The following LARGE1 variants were observed in gnomAD, a reference collection of about 807,000 sequenced individuals.
LARGE1 encodes LARGE xylosyl- and glucuronyltransferase 1, also known as xylosyl- and glucuronyltransferase LARGE1.
A neutral mutation model predicts 87.6 loss-of-function variants in LARGE1; 43 were observed. The ratio of observed to expected loss-of-function variants is 0.49; its 90% CI spans 0.38 to 0.63. The LOEUF (loss-of-function observed/expected upper bound fraction) is 0.63, where lower values mean the gene tolerates loss of function less well. LARGE1 is among the 30% of genes least tolerant of loss of function. The pLI, the probability that LARGE1 is intolerant of heterozygous loss-of-function variation, is 0.00. For synonymous variants in LARGE1, 434 were observed against 394.6 expected, an observed-to-expected ratio of 1.10 and a Z score of -1.18; for missense variants, 802 against 1,000.2, an observed-to-expected ratio of 0.80 and a Z score of 2.67.
intron 1 of LARGE1, among the ~76,000 whole-genome samples, chr22:33,862,547 T>C (rs549697495): frequency 3.9e-5 from 6 of 152,188 alleles, no homozygotes; most frequent in African/African-American, 1.4e-4. Flanking sequence ...TCTGAGTGGG[T>C]GTACCTGACA....
chr22:33,406,145 C>T (rs957247335), intron 7 of LARGE1, among the ~76,000 whole-genome samples: 1 of 152,110 alleles, frequency 6.6e-6, no homozygotes, highest in African/African-American at 2.4e-5. Context: ...GGTCTCCAGA[C>T]CTAAAGCAAG....
intron 6 of LARGE1, among the ~76,000 whole-genome samples, chr22:33,550,142 TACACACACACACACAC>T (rs5845093): frequency 7.0e-6 from 1 of 142,250 alleles, no homozygotes; most frequent in African/African-American, 2.6e-5. Context: ...ACTTAAAGTA[TACACACACACACACAC>T]ACACACACAC....
intron 2 of LARGE1, among the ~76,000 whole-genome samples, chr22:33,724,471 T>C (rs2083205463): frequency 6.6e-6 from 1 of 152,164 alleles, no homozygotes; most frequent in Non-Finnish European, 1.5e-5. Context: ...GCCACAGTTC[T>C]ATAAGGGTCA....
chr22:33,208,819 G>A lies in LARGE1; in HGVS notation c.1731-41987C>T, dbSNP rs187672528. 1.6e-4 allele frequency among the ~76,000 whole-genome samples: 24 copies of A among 152,252 alleles called. No homozygotes were observed. In the East Asian group the frequency reaches 4.5e-3, roughly 28 times the overall value. ...TCCCACTTATGAGTGAGAAAATGTG[G>A]TGTTTGGTTTTCTGTTCTTGTGATA... On this transcript the variant is annotated intron_variant, in intron 11 of 11. Coordinates refer to the LARGE1 transcript ENST00000608642.
At chr22:33,173,194 G>A (rs1922674468) in intron 11 of LARGE1, among the ~76,000 whole-genome samples, 1 of 152,094 alleles carries the variant, frequency 6.6e-6, no homozygotes, top group Admixed American at 6.6e-5. Context: ...AAGAGAGTGA[G>A]GGCCAATATT....
At chr22:33,439,745 T>TCCAC (rs965051392) in intron 6 of LARGE1, among the ~76,000 whole-genome samples, 4 of 152,138 alleles carry the variant, frequency 2.6e-5, no homozygotes, top group African/African-American at 9.7e-5. Flanking sequence ...ATTTGGCTGT[T>TCCAC]CCACAATGAC....
rs574042574 is a variant in LARGE1, at chr22:33,464,639, G to A, written c.788-32374C>T. Among the ~76,000 whole-genome samples the A allele has an allele frequency of 2.2e-4, 33 of 152,210 alleles. No homozygotes were observed. In the South Asian group the frequency reaches 6.0e-3, roughly 28 times the overall value. On this transcript the variant is annotated intron_variant, in intron 6 of 14. Coordinates refer to ENST00000397394, the MANE Select transcript of LARGE1 (RefSeq NM_133642.5). ...ATAACCTCATTAATGATGAAAAAATGCAAATTAATATCTCAGGTATCATTC... is the reference window on the plus strand; with the variant it reads ...ATAACCTCATTAATGATGAAAAAATACAAATTAATATCTCAGGTATCATTC...
At chr22:33,567,645 G>A (rs1361464865) in intron 5 of LARGE1, among the ~76,000 whole-genome samples, 5 of 152,216 alleles carry the variant, frequency 3.3e-5, no homozygotes, top group African/African-American at 9.6e-5. Context: ...GGGTACACAC[G>A]CATTTTTGTT....
chr22:33,295,173 G>C (rs1933070330), intron 12 of LARGE1, among the ~76,000 whole-genome samples: 1 of 152,132 alleles, frequency 6.6e-6, no homozygotes, highest in African/African-American at 2.4e-5. Context: ...AGCCAGTGGG[G>C]GTTAAAGAGA....
Position 33,837,158 on chromosome 22 carries a change from G to A in LARGE1, c.-82-75600C>T, listed in dbSNP as rs1356747792. ...CCATGATTGTGATTGAAATGCCAAA[G>A]GCACAGGGATTTTGCAATACTTTTA... On this transcript the variant is annotated intron_variant, in intron 1 of 14. Coordinates refer to ENST00000397394, the MANE Select transcript of LARGE1 (RefSeq NM_133642.5). Among the ~76,000 whole-genome samples the A allele has an allele frequency of 2.6e-5, 4 of 151,958 alleles. No individual in the cohort carries two copies. The East Asian group carries it at 5.8e-4, about 22-fold the overall frequency.
chr22:33,326,744 G>C (rs1937277835), intron 10 of LARGE1, among the ~76,000 whole-genome samples: 1 of 152,178 alleles, frequency 6.6e-6, no homozygotes, highest in African/African-American at 2.4e-5. Flanking sequence ...TTATAGACAA[G>C]GGAGGGCCGA....
chr22:33,818,308 G>A (rs1311548512), intron 1 of LARGE1, among the ~76,000 whole-genome samples: 3 of 152,194 alleles, frequency 2.0e-5, no homozygotes, highest in African/African-American at 7.2e-5. Flanking sequence ...GTCTGTCGCT[G>A]CAAGGAGAAC....
chr22:33,152,146 A>G, the LARGE1 span, among the ~76,000 whole-genome samples: 1 of 152,228 alleles, frequency 6.6e-6, no homozygotes, highest in Non-Finnish European at 1.5e-5. Context: ...CTGCCAGCTC[A>G]TGTCTCTCCA....
chr22:33,510,958 T>C (rs1350801832), intron 6 of LARGE1, among the ~76,000 whole-genome samples: 2 of 152,170 alleles, frequency 1.3e-5, no homozygotes, highest in African/African-American at 4.8e-5. Flanking sequence ...ATGGTCCCTG[T>C]TCTTGAGAGA....
rs572987641 is a variant in LARGE1 at position 33,809,975 on chromosome 22, A to T, written c.-82-48417T>A. 9.8e-5 allele frequency among the ~76,000 whole-genome samples: 15 copies of T among 152,306 alleles called. 1 individual carries two copies. Among genetic ancestry groups the T allele is most frequent in the African/African-American group, 3.1e-4 (13 of 41,570 alleles). ...GTTCAGTTCCTCAGTGGTACTAGCCACATTTCAAGCACTTGTAGTTATAGG... is the reference window on the plus strand; with the variant it reads ...GTTCAGTTCCTCAGTGGTACTAGCCTCATTTCAAGCACTTGTAGTTATAGG... On this transcript the variant is annotated intron_variant, in intron 1 of 14. Transcript: ENST00000397394.
chr22:33,710,174 C>T (rs544033182), intron 2 of LARGE1, among the ~76,000 whole-genome samples: 2 of 149,574 alleles, frequency 1.3e-5, no homozygotes, highest in South Asian at 4.2e-4. Context: ...AAGGCAGTTA[C>T]AAGCAATTCA....
At chr22:33,381,772 A>G in intron 9 of LARGE1, 147 bp downstream of exon 9, 1 of 1,129,662 alleles carries the variant, frequency 8.9e-7, no homozygotes, top group Non-Finnish European at 1.3e-6. Context: ...AACACCCCAC[A>G]AAGATGAAAA....
intron 1 of LARGE1, among the ~76,000 whole-genome samples, chr22:33,788,907 T>A (rs992397936): frequency 1.2e-4 from 19 of 152,172 alleles, no homozygotes; most frequent in African/African-American, 4.3e-4. Flanking sequence ...AAGCAAAGCA[T>A]AAAAGTTTTG....
At chr22:33,388,921 G>A (rs930035946) in intron 7 of LARGE1, among the ~76,000 whole-genome samples, 2 of 152,188 alleles carry the variant, frequency 1.3e-5, no homozygotes, top group Non-Finnish European at 2.9e-5. Flanking sequence ...TACTGGAGGT[G>A]TAACATTCAT....
Sources: allele counts gnomAD v4.1 joint callset (sites outside exome capture counted in the v4.1 genomes callset), GRCh38; gene constraint gnomAD v4.1.1; transcripts MANE v1.5; gene names NCBI Gene and HGNC (gene_info 2026-07-23, HGNC 2026-07-21).